PDE3A: variants seen among roughly 807,000 people sequenced by gnomAD.
PDE3A encodes cGMP-inhibited 3',5'-cyclic phosphodiesterase 3A.
PDE3A carries 43 observed loss-of-function variants against 98.3 expected under a neutral mutation model. The observed-to-expected ratio is 0.44, with a 90% CI of 0.34 to 0.56. The LOEUF is 0.56. PDE3A is among the 20% of genes least tolerant of loss of function. PDE3A has a pLI of 0.01. For missense variants in PDE3A, 1,427 were observed against 1,440.7 expected, an observed-to-expected ratio of 0.99 and a Z score of 0.15; for synonymous variants, 663 against 567.9, an observed-to-expected ratio of 1.17 and a Z score of -2.38.
At chr12:20,593,281 G>A (rs923435663) in intron 2 of PDE3A, among the ~76,000 whole-genome samples, 4 of 152,200 alleles carry the variant, frequency 2.6e-5, no homozygotes, top group Non-Finnish European at 5.9e-5. Context: ...CTGGAGGGAT[G>A]AGGCATTAGT....
At chr12:20,418,555 G>T (rs1240173055) in intron 1 of PDE3A, among the ~76,000 whole-genome samples, 1 of 152,234 alleles carries the variant, frequency 6.6e-6, no homozygotes, top group East Asian at 1.9e-4. Flanking sequence ...TTAAAAGGTG[G>T]TTTTTAAAGG....
intron 10 of PDE3A, among the ~76,000 whole-genome samples, chr12:20,642,739 A>C (rs754628167): frequency 6.6e-6 from 1 of 152,166 alleles, no homozygotes; most frequent in Admixed American, 6.6e-5. Context: ...ATTCAGCTGT[A>C]CATGATGTGC....
At chr12:20,400,813 A>C (rs1291482965) in intron 1 of PDE3A, among the ~76,000 whole-genome samples, 3 of 152,146 alleles carry the variant, frequency 2.0e-5, no homozygotes, top group African/African-American at 7.2e-5. Flanking sequence ...TTTTAGAGAG[A>C]TCATGAATCC....
Position 20,415,587 on chromosome 12 carries a change from G to A in PDE3A, c.960+45343G>A, listed in dbSNP as rs533923771. 4.6e-5 allele frequency among the ~76,000 whole-genome samples: 7 copies of A among 151,956 alleles called. No homozygotes were observed. In the South Asian group the frequency reaches 1.2e-3, roughly 27 times the overall value. On this transcript the variant is annotated intron_variant, in intron 1 of 15. Coordinates refer to ENST00000359062, the MANE Select transcript of PDE3A (RefSeq NM_000921.5). ...CAAGTAGCTGGGCTTATAGGCACCC[G>A]CCATCATGCCCAGCTAATTTTTGTA...
intron 1 of PDE3A, among the ~76,000 whole-genome samples, chr12:20,550,355 G>C (rs1452157881): frequency 6.6e-6 from 1 of 152,028 alleles, no homozygotes; most frequent in Non-Finnish European, 1.5e-5. Flanking sequence ...CTTTAAAGTT[G>C]CCAAAAATAA....
intron 1 of PDE3A, among the ~76,000 whole-genome samples, chr12:20,487,103 G>A (rs930316934): frequency 1.3e-5 from 2 of 152,242 alleles, no homozygotes; most frequent in East Asian, 1.9e-4. Context: ...AGTATGTGAA[G>A]AGAAGTACTT....
intron 1 of PDE3A, among the ~76,000 whole-genome samples, chr12:20,411,854 G>A (rs1944339156): frequency 6.6e-6 from 1 of 152,014 alleles, no homozygotes; most frequent in African/African-American, 2.4e-5. Context: ...TACAATATAG[G>A]TAGACCCTTT....
At chr12:20,447,526 A>G (rs1944977673) in intron 1 of PDE3A, among the ~76,000 whole-genome samples, 1 of 152,168 alleles carries the variant, frequency 6.6e-6, no homozygotes, top group African/African-American at 2.4e-5. Flanking sequence ...GCCTCTATGT[A>G]AAACCTAAAG....
At chr12:20,464,418 G>A (rs569734766) in intron 1 of PDE3A, among the ~76,000 whole-genome samples, 6 of 152,120 alleles carry the variant, frequency 3.9e-5, no homozygotes, top group South Asian at 4.1e-4. Flanking sequence ...TTCAGCTCTC[G>A]CTTTTTATAT....
intron 1 of PDE3A, among the ~76,000 whole-genome samples, chr12:20,530,723 A>G (rs1649407552): frequency 6.6e-6 from 1 of 152,192 alleles, no homozygotes; most frequent in South Asian, 2.1e-4. Context: ...AGTAATTTAA[A>G]AAGAGACATG....
chr12:20,410,272 T>C (rs1380186011), intron 1 of PDE3A, among the ~76,000 whole-genome samples: 1 of 152,200 alleles, frequency 6.6e-6, no homozygotes, highest in Non-Finnish European at 1.5e-5. Flanking sequence ...CTGCACTCAA[T>C]TGTACGTCCC....
intron 1 of PDE3A, among the ~76,000 whole-genome samples, chr12:20,524,142 A>G (rs1325660960): frequency 1.3e-5 from 2 of 152,174 alleles, no homozygotes; most frequent in African/African-American, 4.8e-5. Context: ...GAGGAATAAA[A>G]TGGAAGCACT....
At chr12:20,641,440 C>T (rs953325137) in intron 10 of PDE3A, among the ~76,000 whole-genome samples, 3 of 151,966 alleles carry the variant, frequency 2.0e-5, no homozygotes, top group Admixed American at 6.6e-5. Context: ...TAAGTGTTCA[C>T]GATTTCTCGA....
At position 20,396,658 on chromosome 12, in the gene PDE3A, A is replaced by C. The variant is rs568937656; in HGVS notation, c.960+26414A>C. 2.0e-5 allele frequency among the ~76,000 whole-genome samples: 3 copies of C among 152,244 alleles called. No homozygotes were observed. In the East Asian group the frequency reaches 5.8e-4, roughly 29 times the overall value. On this transcript the variant is annotated intron_variant, in intron 1 of 15. Coordinates refer to ENST00000359062, the MANE Select transcript of PDE3A (RefSeq NM_000921.5). Reference sequence around the variant, plus strand: ...AAATTTTAAAAATATTTAATTTAAAAATATTTAAAAGGAGAAAAGGTAAAT... The same window carrying C: ...AAATTTTAAAAATATTTAATTTAAACATATTTAAAAGGAGAAAAGGTAAAT...
chr12:20,404,855 G>A (rs1386822243), intron 1 of PDE3A, among the ~76,000 whole-genome samples: 5 of 116,620 alleles, frequency 4.3e-5, no homozygotes, highest in Admixed American at 4.0e-4. Flanking sequence ...TTTTGAGCAG[G>A]AACTAGCATG....
In PDE3A at chr12:20,392,349, T is replaced by C. The variant is rs180969910; in HGVS notation, c.960+22105T>C. Among the ~76,000 whole-genome samples, 18 of 152,014 alleles carry C rather than the reference T, an allele frequency of 1.2e-4. No individual in the cohort carries two copies. In the East Asian group the frequency reaches 3.3e-3, roughly 28 times the overall value. On this transcript the variant is annotated intron_variant, in intron 1 of 15. Coordinates refer to ENST00000359062, the MANE Select transcript of PDE3A (RefSeq NM_000921.5). ...TAAAACAATTTGACAAATTTATAAC[T>C]ATCACTGTAGGTCTAAAATGTGTAG...
chr12:20,458,644 C>T (rs1945193297), intron 1 of PDE3A, among the ~76,000 whole-genome samples: 1 of 152,100 alleles, frequency 6.6e-6, no homozygotes, highest in African/African-American at 2.4e-5. Context: ...TACCTACTGT[C>T]AGACAAGTAG....
chr12:20,473,832 C>T (rs1945482218), intron 1 of PDE3A, among the ~76,000 whole-genome samples: 1 of 152,050 alleles, frequency 6.6e-6, no homozygotes, highest in Admixed American at 6.6e-5. Context: ...CATTTTCCCA[C>T]TATATATTAA....
intron 1 of PDE3A, among the ~76,000 whole-genome samples, chr12:20,396,121 A>G (rs1000896208): frequency 6.6e-5 from 10 of 152,152 alleles, no homozygotes; most frequent in African/African-American, 2.2e-4. Flanking sequence ...TTCCTTTTGT[A>G]ATTTAGAAAA....
Sources: allele counts gnomAD v4.1 joint callset (sites outside exome capture counted in the v4.1 genomes callset), GRCh38; gene constraint gnomAD v4.1.1; transcripts MANE v1.5; gene names NCBI Gene and HGNC (gene_info 2026-07-23, HGNC 2026-07-21).